The following GRIA3 variants were observed in gnomAD, a reference collection of about 807,000 sequenced individuals.
GRIA3 encodes the protein glutamate receptor 3.
Under a neutral mutation model 63.0 loss-of-function variants are expected in GRIA3, and 3 were observed. The ratio of observed to expected loss-of-function variants is 0.05; its 90% CI spans 0.02 to 0.12. The LOEUF (loss-of-function observed/expected upper bound fraction) is 0.12, where lower values mean the gene tolerates loss of function less well. GRIA3 is among the 10% of genes least tolerant of loss of function. GRIA3 has a pLI of 1.00. For missense variants in GRIA3, 347 were observed against 700.9 expected (o/e 0.50, Z 5.70); for synonymous variants, 274 against 257.9 (o/e 1.06, Z -0.60).
intron 5 of GRIA3, 31 bp from the exon 6 acceptor site, chrX:123,394,923 AACATACAACTTCCC>A: frequency 1.0e-6 from 1 of 964,261 alleles, no homozygotes; most frequent in Non-Finnish European, 1.5e-6. Flanking sequence ...GGTGAGTAAG[AACATACAACTTCCC>A]ACAATCATGA....
At chrX:123,403,159 G>T in intron 8 of GRIA3, 61 bp downstream of exon 8, 1 of 675,054 alleles carries the variant, frequency 1.5e-6, no homozygotes, top group South Asian at 2.2e-5. Context: ...GCATTTGGAT[G>T]TAAGAAAATA....
At chrX:123,388,121 G>C (rs941855593) in intron 5 of GRIA3, among the ~76,000 whole-genome samples, 8 of 112,032 alleles carry the variant, frequency 7.1e-5, no homozygotes, top group African/African-American at 2.6e-4. Flanking sequence ...TTATTGGTCT[G>C]TTTAGGTTTT....
intron 3 of GRIA3, among the ~76,000 whole-genome samples, chrX:123,277,096 T>G (rs1179108501): frequency 9.1e-6 from 1 of 109,779 alleles, no homozygotes; most frequent in Non-Finnish European, 1.9e-5. Context: ...TGCCTGTTTT[T>G]TTTTTAACTT....
intron 13 of GRIA3, among the ~76,000 whole-genome samples, chrX:123,475,344 CAA>C (rs1302068578): frequency 8.9e-6 from 1 of 112,171 alleles, no homozygotes; most frequent in Admixed American, 9.5e-5. Flanking sequence ...TGTATTTTAA[CAA>C]ATCATGTCAC....
chrX:123,245,499 G>A (rs2044353297), intron 2 of GRIA3, among the ~76,000 whole-genome samples: 3 of 111,581 alleles, frequency 2.7e-5, no homozygotes, highest in South Asian at 7.7e-4. Context: ...GAGAAAAGAG[G>A]GCCAGGGACA....
At chrX:123,298,660 AT>A (rs1388186491) in intron 3 of GRIA3, among the ~76,000 whole-genome samples, 1 of 110,842 alleles carries the variant, frequency 9.0e-6, no homozygotes, top group African/African-American at 3.3e-5. Context: ...GTTTGCAAAA[AT>A]TTTTTCCCAT....
At chrX:123,269,013 C>T (rs1385891393) in intron 3 of GRIA3, among the ~76,000 whole-genome samples, 2 of 111,997 alleles carry the variant, frequency 1.8e-5, no homozygotes. Flanking sequence ...TTTGTGCCCA[C>T]GCAGTCACAG....
chrX:123,219,258 G>C (rs1401625824), intron 2 of GRIA3, among the ~76,000 whole-genome samples: 1 of 112,496 alleles, frequency 8.9e-6, no homozygotes, highest in Non-Finnish European at 1.9e-5. Context: ...TTCTTGCTTT[G>C]TCTTTTGCAC....
At chrX:123,189,417 G>T (rs1927366149) in intron 2 of GRIA3, among the ~76,000 whole-genome samples, 3 of 112,361 alleles carry the variant, frequency 2.7e-5, no homozygotes, top group Admixed American at 1.9e-4. Flanking sequence ...CCATCGTGTG[G>T]CTTTGCTGTC....
chrX:123,359,289 C>T (rs2045153883), intron 5 of GRIA3, among the ~76,000 whole-genome samples: 1 of 111,956 alleles, frequency 8.9e-6, no homozygotes, highest in Non-Finnish European at 1.9e-5. Context: ...ATAAAAGAAA[C>T]TCAGTCAATG....
At chrX:123,428,209 A>C (rs2045600162) in intron 12 of GRIA3, 70 bp downstream of exon 12, 1 of 702,138 alleles carries the variant, frequency 1.4e-6, no homozygotes, top group African/African-American at 2.1e-5. Flanking sequence ...GCAAGTTCAC[A>C]GTGCTTTTAA....
At chrX:123,339,722 C>T (rs983938222) in intron 4 of GRIA3, among the ~76,000 whole-genome samples, 5 of 112,393 alleles carry the variant, frequency 4.4e-5, no homozygotes, top group African/African-American at 1.6e-4. Flanking sequence ...ACAATCCCCA[C>T]TTATGTGTCA....
intron 2 of GRIA3, among the ~76,000 whole-genome samples, chrX:123,239,023 A>G (rs1309439474): frequency 9.0e-6 from 1 of 111,113 alleles, no homozygotes; most frequent in Non-Finnish European, 1.9e-5. Flanking sequence ...AATTTAAAAT[A>G]TCTACCAAAT....
At chrX:123,323,539 G>A (rs2044881768) in intron 3 of GRIA3, among the ~76,000 whole-genome samples, 2 of 112,226 alleles carry the variant, frequency 1.8e-5, no homozygotes, top group Admixed American at 9.5e-5. Context: ...AGAAGTTAAT[G>A]AGAAGTCAGT....
chrX:123,485,474 T>C (rs1257526429), intron 15 of GRIA3, among the ~76,000 whole-genome samples: 1 of 111,645 alleles, frequency 9.0e-6, no homozygotes, highest in Non-Finnish European at 1.9e-5. Context: ...TGCTAAACCA[T>C]GCTACTTCTA....
chrX:123,359,094 C>T (rs1314130033), intron 5 of GRIA3, among the ~76,000 whole-genome samples: 2 of 111,599 alleles, frequency 1.8e-5, no homozygotes, highest in South Asian at 3.8e-4. Flanking sequence ...AAAATGCAGA[C>T]GTAGACAAGA....
chrX:123,362,348 A>G (rs1399567617), intron 5 of GRIA3, among the ~76,000 whole-genome samples: 1 of 111,824 alleles, frequency 8.9e-6, no homozygotes, highest in Non-Finnish European at 1.9e-5. Flanking sequence ...TGCATAGTGT[A>G]GCCAGAGAAG....
intron 12 of GRIA3, among the ~76,000 whole-genome samples, chrX:123,439,925 C>G (rs1334520946): frequency 9.0e-6 from 1 of 111,049 alleles, no homozygotes; most frequent in Non-Finnish European, 1.9e-5. Context: ...GTTATCTTTT[C>G]TCCTCTCCTC....
At chrX:123,205,357 T>C (rs974187398) in intron 2 of GRIA3, among the ~76,000 whole-genome samples, 2 of 112,172 alleles carry the variant, frequency 1.8e-5, no homozygotes, top group Non-Finnish European at 3.8e-5. Flanking sequence ...ATTTTAATCA[T>C]TTTTGAAGAA....
Sources: gnomAD v4.1 joint callset for allele counts (sites outside exome capture counted in the v4.1 genomes callset) on GRCh38, gnomAD v4.1.1 for gene constraint, MANE v1.5 for transcripts, NCBI Gene and HGNC (gene_info 2026-07-23, HGNC 2026-07-21) for gene names.